The following BMP7 variants were observed in gnomAD, a reference collection of about 807,000 sequenced individuals.
BMP7 encodes the protein bone morphogenetic protein 7, also known as osteogenic protein 1.
Under a neutral mutation model 41.2 loss-of-function variants are expected in BMP7, and 12 were observed. The observed-to-expected ratio is 0.29, with a 90% CI of 0.19 to 0.47. The LOEUF (loss-of-function observed/expected upper bound fraction) is 0.47. BMP7 is among the 20% of genes least tolerant of loss of function. The pLI is 0.99. For missense variants in BMP7, 467 were observed against 606.0 expected (o/e 0.77, Z 2.41); for synonymous variants, 248 against 250.0 (o/e 0.99, Z 0.07).
rs1983824872 is a variant in BMP7 at position 57,171,971 on chromosome 20, G to A, written c.1147-863C>T. On this transcript the variant is annotated intron_variant, in intron 6 of 6. Transcript: ENST00000395863. The surrounding 1 kb of genome is among the most constrained non-coding windows in gnomAD (Gnocchi z 4.5). ...AGCATTTCATCAGGACTCTCTAGAA[G>A]ACAGTTGCCCCCTTTTAAACATGAC... Among the ~76,000 whole-genome samples the A allele has an allele frequency of 6.6e-6, 1 of 152,226 alleles. No homozygotes were observed. The highest frequency in any genetic ancestry group is 2.4e-5 in the African/African-American group (1 of 41,460).
intron 3 of BMP7, among the ~76,000 whole-genome samples, chr20:57,184,780 G>C (rs978152115): frequency 2.0e-5 from 3 of 152,164 alleles, no homozygotes; most frequent in Non-Finnish European, 4.4e-5. Context: ...GCCTGGGGAA[G>C]ACAGAGGCCA....
intron 2 of BMP7, among the ~76,000 whole-genome samples, chr20:57,220,594 T>A (rs1361624744): frequency 6.6e-6 from 1 of 152,150 alleles, no homozygotes; most frequent in Non-Finnish European, 1.5e-5. Flanking sequence ...AGCCCATTCT[T>A]CCCAAATGCA....
chr20:57,173,663 G>T, intron 5 of BMP7: 1 of 369,236 alleles, frequency 2.7e-6, no homozygotes. Context: ...TAAAAATGAA[G>T]GAAAGCCCCA....
intron 3 of BMP7, among the ~76,000 whole-genome samples, chr20:57,197,404 T>C (rs1337034983): frequency 6.6e-6 from 1 of 152,266 alleles, no homozygotes; most frequent in Middle Eastern, 3.4e-3. Context: ...TACCTCCGGA[T>C]GGCCAGGCTG....
rs1206314693 is a variant in BMP7, at chr20:57,266,468, G to GAGGCAGGC, written c.-354_-347dup. 5.8e-6 allele frequency: 1 copy of GAGGCAGGC among 173,370 alleles called. No homozygotes were observed. The highest frequency in any genetic ancestry group is 1.2e-5 in the Non-Finnish European group (1 of 82,370). The allele number at this position is 173,370 out of a possible 1,614,324, so 10.7% of individuals were successfully genotyped here. ...GAGCCAACGCCGGGGAGGCAGCGAGGAGGCAGGCGGGCGGGCGAGCGCTCC... is the reference window on the plus strand; with the variant it reads ...GAGCCAACGCCGGGGAGGCAGCGAGGAGGCAGGCAGGCAGGCGGGCGGGCGAGCGCTCC... On this transcript the variant is annotated 5_prime_UTR_variant, in exon 1 of 7. Transcript: ENST00000395863.
intron 1 of BMP7, among the ~76,000 whole-genome samples, chr20:57,231,316 CGTT>C (rs1420427019): frequency 6.6e-6 from 1 of 152,194 alleles, no homozygotes; most frequent in Non-Finnish European, 1.5e-5. Flanking sequence ...AGTTCATAGG[CGTT>C]CAGGGAGTTT....
At chr20:57,192,209 C>T (rs1984379942) in intron 3 of BMP7, among the ~76,000 whole-genome samples, 1 of 120,662 alleles carries the variant, frequency 8.3e-6, no homozygotes. Context: ...TATACTATTA[C>T]ATATTATATA....
intron 2 of BMP7, among the ~76,000 whole-genome samples, chr20:57,219,600 A>AC (rs887100300): frequency 3.4e-4 from 52 of 152,136 alleles, no homozygotes; most frequent in African/African-American, 1.3e-3. Context: ...AGAATGAGCC[A>AC]CCCCCAAAGG....
intron 1 of BMP7, among the ~76,000 whole-genome samples, chr20:57,246,988 C>CAAA (rs10625549): frequency 2.3e-4 from 35 of 150,970 alleles, no homozygotes; most frequent in Non-Finnish European, 4.0e-4. Context: ...GACTCCATCT[C>CAAA]AAAAAAAAAC....
intron 1 of BMP7, among the ~76,000 whole-genome samples, chr20:57,230,786 C>T (rs1406110230): frequency 6.6e-6 from 1 of 151,632 alleles, no homozygotes; most frequent in Non-Finnish European, 1.5e-5. Flanking sequence ...ACACCATTCT[C>T]CTGCCTCAGC....
intron 1 of BMP7, among the ~76,000 whole-genome samples, chr20:57,248,064 A>G (rs2066097167): frequency 6.6e-6 from 1 of 152,228 alleles, no homozygotes; most frequent in Non-Finnish European, 1.5e-5. Flanking sequence ...TCTATGAGCT[A>G]CAGAGGGTCT....
chr20:57,258,315 G>A (rs920214510), intron 1 of BMP7, among the ~76,000 whole-genome samples: 5 of 152,174 alleles, frequency 3.3e-5, no homozygotes, highest in Admixed American at 6.5e-5. Context: ...TTCTAAACAT[G>A]CTGAATCCAC....
chr20:57,242,285 A>G (rs2123130884), intron 1 of BMP7, among the ~76,000 whole-genome samples: 1 of 152,314 alleles, frequency 6.6e-6, no homozygotes, highest in Middle Eastern at 3.4e-3. Flanking sequence ...CACAATGCTC[A>G]GGATGGTCCC....
intron 4 of BMP7, among the ~76,000 whole-genome samples, chr20:57,180,823 G>A (rs898369688): frequency 7.2e-5 from 11 of 152,190 alleles, no homozygotes; most frequent in South Asian, 2.1e-4. Flanking sequence ...CAGGACACCC[G>A]CCAGGGGTCA....
intron 6 of BMP7, 160 bp downstream of exon 6, chr20:57,173,040 A>G: frequency 1.3e-6 from 1 of 741,678 alleles, no homozygotes; most frequent in Admixed American, 2.1e-5. Flanking sequence ...CATAAAGTAC[A>G]ATTTTTGATT....
At chr20:57,176,790 A>ACACACC (rs1555811499) in intron 4 of BMP7, among the ~76,000 whole-genome samples, 2 of 148,496 alleles carry the variant, frequency 1.3e-5, no homozygotes, top group Admixed American at 1.3e-4. Flanking sequence ...ACACACACAC[A>ACACACC]CCTGTTAACT....
rs1266288644 is a variant in BMP7, at chr20:57,218,418, T to TTGTTTGGTGGTAGCTGG, written c.611+9794_611+9810dup. On this transcript the variant is annotated intron_variant, in intron 2 of 6. Coordinates refer to ENST00000395863, the MANE Select transcript of BMP7 (RefSeq NM_001719.3). ...GCTGGTGTTTGGTGGTAGCTGGTGTTTGTTTGGTGGTAGCTGGTGTTTGGT... is the reference window on the plus strand; with the variant it reads ...GCTGGTGTTTGGTGGTAGCTGGTGTTTGTTTGGTGGTAGCTGGTGTTTGGTGGTAGCTGGTGTTTGGT... Among the ~76,000 whole-genome samples, 1,276 of 146,866 alleles carry TTGTTTGGTGGTAGCTGG rather than the reference T, an allele frequency of 8.7e-3. 10 individuals carry two copies. Among genetic ancestry groups the TTGTTTGGTGGTAGCTGG allele is most frequent in the African/African-American group, 0.019 (783 of 40,972 alleles).
Position 57,174,297 on chromosome 20 carries a change from A to G in BMP7, c.1035+634T>C, listed in dbSNP as rs114357257. On this transcript the variant is annotated intron_variant, in intron 5 of 6. Coordinates refer to ENST00000395863, the MANE Select transcript of BMP7 (RefSeq NM_001719.3). This position sits in a 1 kb window ranked among gnomAD's most constrained non-coding sequence, Gnocchi z 4.3. The stretch of plus-strand genomic sequence containing the variant: ...GTGTTCATCGCTGCATCTCCAATCC[A>G]GTACCTAGAACAGGGCCCAGAACGC... 6.6e-6 allele frequency among the ~76,000 whole-genome samples: 1 copy of G among 152,304 alleles called. No individual in the cohort carries two copies. The highest frequency in any genetic ancestry group is 2.1e-4 in the South Asian group (1 of 4,820).
rs1984966062 is a variant in BMP7 at position 57,214,461 on chromosome 20, G to A, written c.612-11838C>T. On this transcript the variant is annotated intron_variant, in intron 2 of 6. Coordinates refer to ENST00000395863, the MANE Select transcript of BMP7 (RefSeq NM_001719.3). This position sits in a 1 kb window ranked among gnomAD's most constrained non-coding sequence, Gnocchi z 4.0. ...CAAACCGAGAAACTGGGGAGAGAGA[G>A]GAGGCATTATTGTCAACTCCAGGTC... Among the ~76,000 whole-genome samples, 1 of 152,134 alleles carries A rather than the reference G, an allele frequency of 6.6e-6. No homozygotes were observed. The highest frequency in any genetic ancestry group is 2.4e-5 in the African/African-American group (1 of 41,414).
Sources: gnomAD v4.1 joint callset for allele counts (sites outside exome capture counted in the v4.1 genomes callset) on GRCh38, gnomAD v4.1.1 for gene constraint, Gnocchi (gnomAD v3.1) non-coding constraint, MANE v1.5 for transcripts, NCBI Gene and HGNC (gene_info 2026-07-23, HGNC 2026-07-21) for gene names.